The following TNN variants were observed in gnomAD, a reference collection of about 807,000 sequenced individuals.
The protein encoded by TNN is tenascin N.
A neutral mutation model predicts 134.4 loss-of-function variants in TNN; 122 were observed. That is an observed-to-expected ratio of 0.91 (90% CI 0.78 to 1.06). The LOEUF is 1.06. Ranked by LOEUF, TNN falls within the 50% of genes least tolerant of loss-of-function variation. The pLI, the probability that TNN is intolerant of heterozygous loss-of-function variation, is 0.00. For missense variants in TNN, 1,739 were observed against 1,699.4 expected (o/e 1.02, Z -0.41); for synonymous variants, 710 against 670.3 (o/e 1.06, Z -0.91).
Position 175,117,042 on chromosome 1 carries a change from C to G in TNN, c.2223C>G (p.Arg741=). 3 of 1,614,250 alleles carry G rather than the reference C, an allele frequency of 1.9e-6. No homozygotes were observed. The highest frequency in any genetic ancestry group is 2.2e-5 in the South Asian group (2 of 91,086). The change falls in exon 10 of 19, where the codon CGC becomes CGG. Residue 741 remains arginine, a synonymous_variant. Transcript: ENST00000239462. ...VRATIDRYVV[R]YTSAKDGETR... is the part of the protein sequence containing the mutation. ...CCACCATTGACAGGTATGTGGTGCG[C>G]TACACCTCTGCCAAGGACGGAGAGA...
At chr1:175,074,245 A>G (rs2149425157) in intron 1 of TNN, among the ~76,000 whole-genome samples, 1 of 151,744 alleles carries the variant, frequency 6.6e-6, no homozygotes, top group South Asian at 2.1e-4. Flanking sequence ...CACTTTGGGG[A>G]GCTGAGGTGG....
intron 7 of TNN, among the ~76,000 whole-genome samples, chr1:175,097,163 C>T (rs1418885596): frequency 2.0e-5 from 3 of 152,154 alleles, no homozygotes; most frequent in African/African-American, 7.2e-5. Context: ...TATCCCAAAG[C>T]GACTTCCGGG....
rs776017959 is a variant in TNN at position 175,147,031 on chromosome 1, G to A, written c.3860G>A (p.Arg1287Lys). 6.3e-7 allele frequency: 1 copy of A among 1,597,842 alleles called. No homozygotes were observed. Among genetic ancestry groups the A allele is most frequent in the East Asian group, 2.2e-5 (1 of 44,594 alleles). The change falls in exon 19 of 19, where the codon AGA becomes AAA. Residue 1287 changes from arginine to lysine, a missense_variant. By Grantham distance (26) the Arg-to-Lys change is conservative (BLOSUM62 2). Coordinates refer to ENST00000239462, the MANE Select transcript of TNN (RefSeq NM_022093.2). Reference sequence around the variant, plus strand: ...TACAGCAGGGAGCCTGTCCTGGGCAGAAAGAAGCGGACGCTGAGAGGAAGG... The same window carrying A: ...TACAGCAGGGAGCCTGTCCTGGGCAAAAAGAAGCGGACGCTGAGAGGAAGG... ...HGYSREPVLG[R>K]KKRTLRGRLR...
intron 15 of TNN, among the ~76,000 whole-genome samples, chr1:175,129,387 G>A (rs754152979): frequency 1.3e-5 from 2 of 151,936 alleles, no homozygotes; most frequent in Non-Finnish European, 2.9e-5. Flanking sequence ...CAGCCTCATT[G>A]TCTTAGCACT....
At chr1:175,088,775 C>A (rs1196961584) in intron 6 of TNN, among the ~76,000 whole-genome samples, 1 of 152,234 alleles carries the variant, frequency 6.6e-6, no homozygotes, top group Admixed American at 6.5e-5. Flanking sequence ...GAGACCTGGT[C>A]CCTTTAGAAA....
chr1:175,085,928 A>G (rs1297307408), intron 6 of TNN, among the ~76,000 whole-genome samples: 1 of 151,554 alleles, frequency 6.6e-6, no homozygotes, highest in Non-Finnish European at 1.5e-5. Context: ...GAGAGAGTCT[A>G]TCCCTTTATG....
chr1:175,122,069 C>A (rs1001588091), intron 11 of TNN, among the ~76,000 whole-genome samples: 1 of 151,974 alleles, frequency 6.6e-6, no homozygotes, highest in Non-Finnish European at 1.5e-5. Context: ...AGTGAGATCA[C>A]CTAGGTGGAA....
intron 1 of TNN, among the ~76,000 whole-genome samples, chr1:175,074,561 G>A (rs575359154): frequency 6.6e-6 from 1 of 150,854 alleles, no homozygotes; most frequent in East Asian, 2.0e-4. Context: ...ACAACAAGAA[G>A]TGTCCCATTG....
chr1:175,102,690 A>G (rs1674758699), intron 9 of TNN, among the ~76,000 whole-genome samples: 1 of 144,618 alleles, frequency 6.9e-6, no homozygotes, highest in African/African-American at 2.5e-5. Flanking sequence ...CTCCCTCCAC[A>G]CCTCCCCGCA....
rs1238945986 is a variant in TNN at position 175,073,508 on chromosome 1, AT to A, written c.-35-3873del. Among the ~76,000 whole-genome samples, 3 of 152,126 alleles carry A rather than the reference AT, an allele frequency of 2.0e-5. No homozygotes were observed. In the East Asian group the frequency reaches 5.8e-4, roughly 29 times the overall value. On this transcript the variant is annotated intron_variant, in intron 1 of 18. Coordinates refer to ENST00000239462, the MANE Select transcript of TNN (RefSeq NM_022093.2). ...GAATTGCTTTTGTGAAAGCAAGTCC[AT>A]TTCAGTATTGAGCCTCAGTCTCTCA... is the stretch of plus-strand genomic sequence containing the variant.
At chr1:175,077,268 A>G in intron 1 of TNN, 116 bp from the exon 2 acceptor site, 1 of 791,446 alleles carries the variant, frequency 1.3e-6, no homozygotes, top group Non-Finnish European at 2.1e-6. Context: ...GAGAAATAGA[A>G]TGAGTTCTTT....
intron 8 of TNN, among the ~76,000 whole-genome samples, chr1:175,098,111 G>T (rs901397726): frequency 3.3e-5 from 5 of 152,144 alleles, no homozygotes; most frequent in Non-Finnish European, 4.4e-5. Context: ...ACATTTTAGG[G>T]AACTGAAAGC....
intron 9 of TNN, among the ~76,000 whole-genome samples, chr1:175,108,959 A>G (rs1674941210): frequency 6.6e-6 from 1 of 152,056 alleles, no homozygotes; most frequent in Non-Finnish European, 1.5e-5. Flanking sequence ...GTGGGAGCCC[A>G]GGCAGAGGAG....
rs752533907 is a variant in TNN at position 175,085,445 on chromosome 1, C to T, written c.1275C>T (p.Pro425=). 6.2e-7 allele frequency: 1 copy of T among 1,613,068 alleles called. No homozygotes were observed. The highest frequency in any genetic ancestry group is 8.5e-7 in the Non-Finnish European group (1 of 1,179,524). ...PGTEYKITVV[P]MRGELEGKPI... Reference sequence around the variant, plus strand: ...CTGAGTATAAGATCACGGTGGTGCCCATGAGAGGAGAGCTGGAGGGCAAGC... The same window carrying T: ...CTGAGTATAAGATCACGGTGGTGCCTATGAGAGGAGAGCTGGAGGGCAAGC... Residue 425 remains proline, a synonymous_variant, in exon 6 of 19, where the codon CCC becomes CCT. Coordinates refer to ENST00000239462, the MANE Select transcript of TNN (RefSeq NM_022093.2).
intron 9 of TNN, among the ~76,000 whole-genome samples, chr1:175,112,523 C>T (rs1217831183): frequency 6.9e-6 from 1 of 144,690 alleles, no homozygotes; most frequent in Non-Finnish European, 1.5e-5. Context: ...ATATGTGTTT[C>T]CACAGGTGAA....
In TNN at chr1:175,083,872, C is replaced by T. The variant is rs1674259021; in HGVS notation, c.1171C>T (p.Gln391Ter). 6.2e-7 allele frequency: 1 copy of T among 1,614,042 alleles called. No individual in the cohort carries two copies. The highest frequency in any genetic ancestry group is 1.3e-5 in the African/African-American group (1 of 74,918). The part of the protein sequence containing the change: ...YKLRYGPMTG[Q>*]EVAEVTVPKS... ...GCTGCGATATGGCCCCATGACAGGA[C>T]AGGAGGTAGCTGAGGTCACTGTGCC... The change falls in exon 5 of 19, where the codon CAG (glutamine) becomes TAG (stop). Residue 391 changes from glutamine (Q) to a stop codon, truncating the protein, a stop_gained. Coordinates refer to ENST00000239462, the MANE Select transcript of TNN (RefSeq NM_022093.2). LOFTEE classifies it high-confidence loss of function.
At position 175,077,332 on chromosome 1, in the gene TNN, G is replaced by T. The variant is rs1011019153; in HGVS notation, c.-35-52G>T. 1.1e-5 allele frequency: 16 copies of T among 1,410,076 alleles called. No homozygotes were observed. In the African/African-American group the frequency reaches 2.2e-4, roughly 19 times the overall value. 87.3% of individuals were successfully genotyped at this position (1,410,076 alleles called of 1,614,324 possible). A position where few individuals can be genotyped will look rare whatever the true frequency, so the allele number is the denominator to read the frequency against. On this transcript the variant is annotated intron_variant, in intron 1 of 18. Transcript: ENST00000239462. The stretch of plus-strand genomic sequence containing the variant: ...TTAGAATCTGGTAAAAAAAAAGCCA[G>T]CTTCCCTCAGCACATCTCCGTGGCT...
chr1:175,119,629 C>CTTTTTTTT (rs757564360), intron 11 of TNN, among the ~76,000 whole-genome samples: 9 of 133,544 alleles, frequency 6.7e-5, no homozygotes, highest in Non-Finnish European at 9.2e-5. Context: ...CCATGAATGC[C>CTTTTTTTT]TTTTTTTTCT....
At chr1:175,073,790 T>A (rs184284606) in intron 1 of TNN, among the ~76,000 whole-genome samples, 26 of 152,338 alleles carry the variant, frequency 1.7e-4, no homozygotes, top group African/African-American at 6.3e-4. Context: ...ATGCTTCCAG[T>A]GCTGGGCCAC....
Sources: gnomAD v4.1 joint callset for allele counts (sites outside exome capture counted in the v4.1 genomes callset) on GRCh38, gnomAD v4.1.1 for gene constraint, MANE v1.5 for transcripts, NCBI Gene and HGNC (gene_info 2026-07-23, HGNC 2026-07-21) for gene names.